The following DGKI variants were observed in gnomAD, a reference collection of about 807,000 sequenced individuals.
DGKI encodes the protein diacylglycerol kinase iota, also known as DAG kinase iota.
In DGKI, 55 loss-of-function variants were observed where a neutral mutation model predicts 147.5. That is an observed-to-expected ratio of 0.37 (90% CI 0.30 to 0.47). The LOEUF (loss-of-function observed/expected upper bound fraction) is 0.47. Ranked by LOEUF, DGKI falls within the 20% of genes least tolerant of loss-of-function variation. DGKI has a pLI of 1.00. For missense variants in DGKI, 1,007 were observed against 1,323.8 expected, an observed-to-expected ratio of 0.76 and a Z score of 3.71; for synonymous variants, 469 against 477.1, an observed-to-expected ratio of 0.98 and a Z score of 0.22.
chr7:137,633,320 G>A (rs1821200515), intron 6 of DGKI, among the ~76,000 whole-genome samples: 1 of 151,516 alleles, frequency 6.6e-6, no homozygotes, highest in Admixed American at 6.6e-5. Context: ...CCTCAATTGT[G>A]TAAGTGGAGT....
intron 1 of DGKI, among the ~76,000 whole-genome samples, chr7:137,750,767 T>C (rs1795470166): frequency 6.6e-6 from 1 of 152,168 alleles, no homozygotes. Flanking sequence ...ATCTGTGACC[T>C]TGGGGACTCA....
intron 3 of DGKI, among the ~76,000 whole-genome samples, chr7:137,667,121 T>C (rs1406046300): frequency 2.0e-5 from 3 of 152,174 alleles, no homozygotes. Flanking sequence ...TTACACGCTC[T>C]TCAAGGTTAT....
intron 6 of DGKI, among the ~76,000 whole-genome samples, chr7:137,635,541 T>C (rs947563849): frequency 5.9e-5 from 9 of 152,226 alleles, no homozygotes; most frequent in African/African-American, 1.9e-4. Flanking sequence ...CTGCACAACA[T>C]TGTGTCAGAC....
intron 1 of DGKI, chr7:137,774,987 C>A (rs569708892): frequency 6.6e-6 from 1 of 152,002 alleles, no homozygotes; most frequent in Non-Finnish European, 1.5e-5. Flanking sequence ...GTTCTCAAGT[C>A]TTTCCATTCA....
chr7:137,765,076 C>T (rs188948384), intron 1 of DGKI, among the ~76,000 whole-genome samples: 62 of 152,338 alleles, frequency 4.1e-4, no homozygotes, highest in African/African-American at 1.4e-3. Flanking sequence ...GCTAATTGCC[C>T]TTCTCTGGGC....
At chr7:137,818,512 C>T (rs1484201182) in intron 1 of DGKI, among the ~76,000 whole-genome samples, 2 of 152,160 alleles carry the variant, frequency 1.3e-5, no homozygotes, top group African/African-American at 4.8e-5. Flanking sequence ...CTGCAACCTC[C>T]GACTCCCAGG....
At chr7:137,681,398 A>G (rs999570042) in intron 2 of DGKI, among the ~76,000 whole-genome samples, 14 of 152,232 alleles carry the variant, frequency 9.2e-5, no homozygotes, top group African/African-American at 3.4e-4. Flanking sequence ...GATGATGACA[A>G]CACTTTAAAA....
At chr7:137,638,023 C>T (rs932142414) in intron 6 of DGKI, among the ~76,000 whole-genome samples, 2 of 152,126 alleles carry the variant, frequency 1.3e-5, no homozygotes, top group Admixed American at 6.5e-5. Context: ...AAAGTGTTCT[C>T]AGGCAGGTCA....
intron 1 of DGKI, among the ~76,000 whole-genome samples, chr7:137,700,354 T>C (rs1200022265): frequency 6.6e-6 from 1 of 152,158 alleles, no homozygotes; most frequent in Non-Finnish European, 1.5e-5. Context: ...AGAAAAGGGA[T>C]GTGAAGGTAC....
At chr7:137,544,544 T>G (rs1817805138) in intron 20 of DGKI, among the ~76,000 whole-genome samples, 1 of 152,168 alleles carries the variant, frequency 6.6e-6, no homozygotes, top group Non-Finnish European at 1.5e-5. Context: ...AATACATATT[T>G]TAAATAATAA....
chr7:137,763,278 T>C (rs930825613), intron 1 of DGKI, among the ~76,000 whole-genome samples: 1 of 152,246 alleles, frequency 6.6e-6, no homozygotes, highest in Non-Finnish European at 1.5e-5. Flanking sequence ...GACTGTCCTA[T>C]TATACAGTTT....
At position 137,425,519 on chromosome 7, in the gene DGKI, C is replaced by T. The variant is rs965054881; in HGVS notation, c.2762-13312G>A. Among the ~76,000 whole-genome samples, 11 of 152,186 alleles carry T rather than the reference C, an allele frequency of 7.2e-5. No individual in the cohort carries two copies. In the South Asian group the frequency reaches 1.0e-3, roughly 14 times the overall value. On this transcript the variant is annotated intron_variant, in intron 28 of 32. Transcript: ENST00000614521. ...CTCCTCCTCCAAAGGAATGCAGTTCCTCACCAGCAACAGAACAAAGATGGA... is the reference window on the plus strand; with the variant it reads ...CTCCTCCTCCAAAGGAATGCAGTTCTTCACCAGCAACAGAACAAAGATGGA...
chr7:137,430,748 A>G (rs1813038128), intron 28 of DGKI, among the ~76,000 whole-genome samples: 1 of 152,118 alleles, frequency 6.6e-6, no homozygotes, highest in African/African-American at 2.4e-5. Flanking sequence ...GGGGGTACAG[A>G]TTTCTATAGA....
chr7:137,763,852 G>A (rs372359981), intron 1 of DGKI, among the ~76,000 whole-genome samples: 51 of 152,330 alleles, frequency 3.3e-4, no homozygotes, highest in African/African-American at 1.1e-3. Flanking sequence ...CCTCCACATA[G>A]AGCAATTTTC....
intron 1 of DGKI, among the ~76,000 whole-genome samples, chr7:137,703,811 T>C (rs911558746): frequency 6.6e-6 from 1 of 152,222 alleles, no homozygotes; most frequent in African/African-American, 2.4e-5. Context: ...AAAGGTCCTG[T>C]TTTAAATAAA....
At chr7:137,654,897 C>T (rs563353574) in intron 4 of DGKI, 109 bp from the exon 5 acceptor site, 7 of 670,238 alleles carry the variant, frequency 1.0e-5, no homozygotes, top group East Asian at 2.7e-5. Flanking sequence ...AAAAGCAAAA[C>T]CTCCAAAGAA....
intron 20 of DGKI, among the ~76,000 whole-genome samples, chr7:137,523,484 CTG>C (rs1563067474): frequency 6.6e-6 from 1 of 151,874 alleles, no homozygotes; most frequent in Admixed American, 6.6e-5. Flanking sequence ...GAGATTTAAA[CTG>C]TGGCTATTTA....
chr7:137,492,568 A>G (rs1305001777), intron 21 of DGKI, among the ~76,000 whole-genome samples: 1 of 152,144 alleles, frequency 6.6e-6, no homozygotes, highest in African/African-American at 2.4e-5. Flanking sequence ...TGGCAGGAGG[A>G]GACCACAAGA....
At chr7:137,586,343 G>C (rs1019384374) in intron 13 of DGKI, among the ~76,000 whole-genome samples, 20 of 152,000 alleles carry the variant, frequency 1.3e-4, no homozygotes, top group African/African-American at 4.8e-4. Flanking sequence ...CAGGAGAATT[G>C]CTTGAACCTG....
Sources: gnomAD v4.1 joint callset for allele counts (sites outside exome capture counted in the v4.1 genomes callset) on GRCh38, gnomAD v4.1.1 for gene constraint, MANE v1.5 for transcripts, NCBI Gene and HGNC (gene_info 2026-07-23, HGNC 2026-07-21) for gene names.